The following PTPN21 variants were observed in gnomAD, a reference collection of about 807,000 sequenced individuals.
The protein encoded by PTPN21 is protein tyrosine phosphatase non-receptor type 21, also known as tyrosine-protein phosphatase non-receptor type 21.
In PTPN21, 77 loss-of-function variants were observed where a neutral mutation model predicts 131.8. The observed-to-expected ratio is 0.58, with a 90% CI of 0.49 to 0.71. PTPN21 has a LOEUF of 0.71. Ranked by LOEUF, PTPN21 falls within the 30% of genes least tolerant of loss-of-function variation. The pLI is 0.00. For missense variants in PTPN21, 1,552 were observed against 1,527.1 expected, an observed-to-expected ratio of 1.02 and a Z score of -0.27; for synonymous variants, 715 against 621.3, an observed-to-expected ratio of 1.15 and a Z score of -2.24.
chr14:88,472,232 C>A lies in PTPN21; in HGVS notation c.2871+12G>T. 6.6e-7 allele frequency: 1 copy of A among 1,520,140 alleles called. No homozygotes were observed. Among genetic ancestry groups the A allele is most frequent in the African/African-American group, 1.4e-5 (1 of 72,930 alleles). 94.2% of individuals were successfully genotyped at this position (1,520,140 alleles called of 1,614,324 possible). ...TGCATGTGCTGTTGATTACTTGAGG[C>A]GTTCCTCTCACCTTAATATGTGATG... On this transcript the variant is annotated intron_variant, in intron 15 of 18. Coordinates refer to ENST00000556564, the MANE Select transcript of PTPN21 (RefSeq NM_007039.4).
chr14:88,476,063 G>C lies in PTPN21; in HGVS notation c.2512-2261C>G, dbSNP rs184488179. Among the ~76,000 whole-genome samples, 65 of 152,312 alleles carry C rather than the reference G, an allele frequency of 4.3e-4. No individual in the cohort carries two copies. The East Asian group carries it at 9.6e-3, about 23-fold the overall frequency. The stretch of plus-strand genomic sequence containing the variant: ...TGTAGATATATGAGCACCCAAACCA[G>C]TCTGCCTTTAAGATAACAATCAGGT... On this transcript the variant is annotated intron_variant, in intron 13 of 18. Coordinates refer to ENST00000556564, the MANE Select transcript of PTPN21 (RefSeq NM_007039.4).
rs1276940049 is a variant in PTPN21, at chr14:88,465,978, A to G, written c.*2159T>C. 6.6e-6 allele frequency: 1 copy of G among 151,184 alleles called. No homozygotes were observed. Among genetic ancestry groups the G allele is most frequent in the Non-Finnish European group, 1.5e-5 (1 of 68,002 alleles). The allele number at this position is 151,184 out of a possible 1,614,324, so 9.4% of individuals were successfully genotyped here. On this transcript the variant is annotated 3_prime_UTR_variant, in exon 19 of 19. Coordinates refer to ENST00000556564, the MANE Select transcript of PTPN21 (RefSeq NM_007039.4). The stretch of plus-strand genomic sequence containing the variant: ...ATAGACCACATATTACTCTTTAATT[A>G]GATTTGTTTTACAATATGTTCTTGT...
In PTPN21 at chr14:88,531,180, C is replaced by G. The variant is rs116349917; in HGVS notation, c.181-13919G>C. Among the ~76,000 whole-genome samples the G allele has an allele frequency of 4.6e-3, 700 of 152,216 alleles. 7 individuals carry two copies. Among genetic ancestry groups the G allele is most frequent in the African/African-American group, 0.016 (645 of 41,526 alleles). On this transcript the variant is annotated intron_variant, in intron 2 of 18. Transcript: ENST00000556564. ...TAAATGGAAATTAAATAATATGCTC[C>G]TGAATAATTTTGAATCAACAACAAA...
chr14:88,468,817 A>G (rs2077406029), intron 18 of PTPN21, 99 bp downstream of exon 18: 1 of 1,491,954 alleles, frequency 6.7e-7, no homozygotes, highest in Non-Finnish European at 9.3e-7. Context: ...ACCACAGTCC[A>G]AGGAAATGTG....
rs147166836 is a variant in PTPN21, at chr14:88,478,972, G to A, written c.2459C>T (p.Ser820Leu). 1.2e-4 allele frequency: 179 copies of A among 1,554,668 alleles called. No homozygotes were observed. In the African/African-American group the frequency reaches 2.2e-3, roughly 19 times the overall value. The change falls in exon 13 of 19, where the codon TCG becomes TTG. Residue 820 changes from serine (S) to leucine (L), a missense_variant. Around this residue, in one of 4 missense-constraint regions of PTPN21, gnomAD observed 1,016 missense variants for 883.5 expected, o/e 1.15. Transcript: ENST00000556564. ...GTTCTTCTTCCCAGAGAGAAGGTCCGACACCGGCCTTTTCTTCAGAGAGTC... is the reference window on the plus strand; with the variant it reads ...GTTCTTCTTCCCAGAGAGAAGGTCCAACACCGGCCTTTTCTTCAGAGAGTC... Reference protein sequence around the residue: ...RRDSLKKRPVSDLLSGKKNIV... With the variant: ...RRDSLKKRPVLDLLSGKKNIV...
chr14:88,493,035 G>A (rs1205508375), intron 10 of PTPN21: 6 of 455,062 alleles, frequency 1.3e-5, no homozygotes, highest in Admixed American at 7.1e-5. Context: ...CAGCGGCTAA[G>A]AGCACAGGCT....
intron 2 of PTPN21, among the ~76,000 whole-genome samples, chr14:88,518,273 TACAC>T (rs1555388159): frequency 1.5e-5 from 1 of 68,242 alleles, no homozygotes; most frequent in African/African-American, 7.2e-5. Context: ...TATATATATA[TACAC>T]ACACACATAC....
chr14:88,472,546 T>G, intron 14 of PTPN21, 81 bp from the exon 15 acceptor site: 3 of 895,666 alleles, frequency 3.3e-6, no homozygotes, highest in Non-Finnish European at 5.2e-6. Context: ...GAAATCTTGT[T>G]TTCTGCTTCA....
chr14:88,493,315 T>C (rs922245176), intron 10 of PTPN21, among the ~76,000 whole-genome samples: 2 of 152,120 alleles, frequency 1.3e-5, no homozygotes, highest in African/African-American at 2.4e-5. Context: ...AACTGAATGT[T>C]TGGTGGTGTC....
intron 2 of PTPN21, among the ~76,000 whole-genome samples, chr14:88,517,889 C>T (rs1447052078): frequency 2.2e-5 from 3 of 139,516 alleles, no homozygotes; most frequent in East Asian, 2.2e-4. Context: ...ACTATATATA[C>T]GTGTATGTGT....
In PTPN21 at chr14:88,517,192, A is replaced by G; in HGVS notation, c.250T>C (p.Leu84=). The change falls in exon 3 of 19, where the codon TTG becomes CTG. Residue 84 remains leucine (L), a synonymous_variant. Transcript: ENST00000556564. ...GCATATTTATCCAGCTGCTTCTTCA[A>G]AGGTTTTTCCAAATCTACCCACCGG... ...QRRWVDLEKP[L]KKQLDKYALE... 6 of 1,614,126 alleles carry G rather than the reference A, an allele frequency of 3.7e-6. No homozygotes were observed. The highest frequency in any genetic ancestry group is 5.1e-6 in the Non-Finnish European group (6 of 1,179,994).
rs775940482 is a variant in PTPN21 at position 88,550,441 on chromosome 14, G to T, written c.-24C>A. The T allele has an allele frequency of 1.2e-6, 2 of 1,605,380 alleles. No homozygotes were observed. Among genetic ancestry groups the T allele is most frequent in the African/African-American group, 2.7e-5 (2 of 74,714 alleles). On this transcript the variant is annotated 5_prime_UTR_variant, in exon 2 of 19. Coordinates refer to ENST00000556564, the MANE Select transcript of PTPN21 (RefSeq NM_007039.4). ...ATCTTCTTCTTTCTTCAAGAATGGAGGAGCAAAGAGGGAAAAGCTACCCCC... is the reference window on the plus strand; with the variant it reads ...ATCTTCTTCTTTCTTCAAGAATGGATGAGCAAAGAGGGAAAAGCTACCCCC...
intron 10 of PTPN21, among the ~76,000 whole-genome samples, chr14:88,495,816 T>A (rs2140122989): frequency 6.6e-6 from 1 of 152,116 alleles, no homozygotes; most frequent in South Asian, 2.1e-4. Flanking sequence ...CATGAAATGA[T>A]CACTGGACGA....
rs1051803201 is a variant in PTPN21, at chr14:88,479,132, C to T, written c.2299G>A (p.Ala767Thr). ...ILEPKAHVPDAEKRMMDSSPV... is the reference protein window; with the variant it reads ...ILEPKAHVPDTEKRMMDSSPV... ...CTGCTGTCCATCATCCTCTTCTCCG[C>T]GTCTGGGACGTGGGCCTTGGGCTCC... The change falls in exon 13 of 19, where the codon GCG becomes ACG. Residue 767 changes from alanine (A) to threonine (T), a missense_variant. Ala to Thr is a moderately conservative substitution (Grantham distance 58). Transcript: ENST00000556564. 4.5e-6 allele frequency: 7 copies of T among 1,554,012 alleles called. No individual in the cohort carries two copies. Among genetic ancestry groups the T allele is most frequent in the South Asian group, 1.2e-5 (1 of 81,490 alleles).
chr14:88,530,589 A>C (rs1315924141), intron 2 of PTPN21, among the ~76,000 whole-genome samples: 4 of 152,202 alleles, frequency 2.6e-5, no homozygotes, highest in Non-Finnish European at 5.9e-5. Flanking sequence ...AAGGAGTGGA[A>C]AAAGATATTC....
In PTPN21 at chr14:88,548,989, A is replaced by G. The variant is rs56291476; in HGVS notation, c.180+1249T>C. On this transcript the variant is annotated intron_variant, in intron 2 of 18. Coordinates refer to ENST00000556564, the MANE Select transcript of PTPN21 (RefSeq NM_007039.4). ...GTCATCCCCATGGTTCAGATGGAGA[A>G]CTGGGGCTCAGAGATATCACATAAC... Among the ~76,000 whole-genome samples, 1,243 of 152,310 alleles carry G rather than the reference A, an allele frequency of 8.2e-3. 20 individuals carry two copies. The highest frequency in any genetic ancestry group is 0.029 in the African/African-American group (1,188 of 41,562).
chr14:88,476,342 C>A (rs940384999), intron 13 of PTPN21, among the ~76,000 whole-genome samples: 1 of 152,170 alleles, frequency 6.6e-6, no homozygotes. Context: ...ATTGACTAAT[C>A]TCTTTCAATG....
Position 88,501,457 on chromosome 14 carries a change from G to C in PTPN21, c.588-89C>G. On this transcript the variant is annotated intron_variant, in intron 6 of 18. Coordinates refer to ENST00000556564, the MANE Select transcript of PTPN21 (RefSeq NM_007039.4). ...TTCTTAAAACCTATATGTCAATTTAGCATAAGACATTATAAACATTTCACG... is the reference window on the plus strand; with the variant it reads ...TTCTTAAAACCTATATGTCAATTTACCATAAGACATTATAAACATTTCACG... 5 of 1,085,784 alleles carry C rather than the reference G, an allele frequency of 4.6e-6. No homozygotes were observed. The South Asian group carries it at 5.3e-5, about 11-fold the overall frequency. 67.3% of individuals were successfully genotyped at this position (1,085,784 alleles called of 1,614,324 possible).
chr14:88,534,862 G>A (rs1006810343), intron 2 of PTPN21, among the ~76,000 whole-genome samples: 3 of 152,138 alleles, frequency 2.0e-5, no homozygotes, highest in African/African-American at 4.8e-5. Context: ...GGGCAACAGA[G>A]TGAGACTCTG....
Sources: allele counts gnomAD v4.1 joint callset (sites outside exome capture counted in the v4.1 genomes callset), GRCh38; gene constraint gnomAD v4.1.1; regional missense constraint gnomAD v4.1.1; transcripts MANE v1.5; gene names NCBI Gene and HGNC (gene_info 2026-07-23, HGNC 2026-07-21).